Variants in LGSN observed in about 807,000 individuals in gnomAD.
The protein encoded by LGSN is lengsin, lens protein with glutamine synthetase domain.
In LGSN, 21 loss-of-function variants were observed where a neutral mutation model predicts 19.5. The observed-to-expected ratio is 1.07, with a 90% CI of 0.76 to 1.55. The LOEUF is 1.55. Among genes scored for constraint, LGSN ranks in the 40% most tolerant of loss-of-function variants. The probability of loss-of-function intolerance (pLI) is 0.00; values close to 1 mark genes in which losing one functional copy is unlikely to be tolerated. For synonymous variants in LGSN, 257 were observed against 215.6 expected (o/e 1.19, Z -1.68); for missense variants, 673 against 608.5 (o/e 1.11, Z -1.12).
At chr6:63,288,168 A>G (rs561689040) in intron 2 of LGSN, among the ~76,000 whole-genome samples, 3 of 151,994 alleles carry the variant, frequency 2.0e-5, no homozygotes, top group African/African-American at 7.2e-5. Context: ...CAGCTCCACC[A>G]AGGAGCTGAG....
At chr6:63,392,822 C>T in the LGSN span, among the ~76,000 whole-genome samples, 1 of 151,126 alleles carries the variant, frequency 6.6e-6, no homozygotes, top group East Asian at 1.9e-4. Flanking sequence ...AACCGAGCTG[C>T]AGACATTGAT....
the LGSN span, among the ~76,000 whole-genome samples, chr6:63,464,076 G>A: frequency 6.8e-6 from 1 of 146,822 alleles, no homozygotes. Context: ...TACTGAAGCT[G>A]GATTATGGAT....
At chr6:63,465,176 G>C in the LGSN span, among the ~76,000 whole-genome samples, 2 of 151,786 alleles carry the variant, frequency 1.3e-5, no homozygotes, top group Non-Finnish European at 2.9e-5. Context: ...CCTTTTCGTT[G>C]TTGTTGCTCT....
chr6:63,375,190 T>C, the LGSN span, among the ~76,000 whole-genome samples: 7 of 152,108 alleles, frequency 4.6e-5, no homozygotes, highest in Non-Finnish European at 1.0e-4. Context: ...TTCTAGAAAT[T>C]AAGGAATTCC....
chr6:63,354,974 G>A, the LGSN span, among the ~76,000 whole-genome samples: 5 of 152,138 alleles, frequency 3.3e-5, no homozygotes, highest in African/African-American at 1.2e-4. Flanking sequence ...AATTACTAAC[G>A]ACTAGGAAGG....
Position 63,281,060 on chromosome 6 carries a change from C to A in LGSN, c.491G>T (p.Arg164Ile). 1.2e-6 allele frequency: 2 copies of A among 1,613,882 alleles called. No homozygotes were observed. The highest frequency in any genetic ancestry group is 1.7e-6 in the Non-Finnish European group (2 of 1,179,944). ...GGTATCACATATCACTCTTGCAGTT[C>A]TGTCAGCCCATGGCAAAACTCTAAA... ...STFRVLPWADRTARVICDTFT... is the reference protein window; with the variant it reads ...STFRVLPWADITARVICDTFT... Residue 164 changes from arginine to isoleucine, a missense_variant, in exon 4 of 4, where the codon AGA (arginine) becomes ATA (isoleucine). Coordinates refer to ENST00000370657, the MANE Select transcript of LGSN (RefSeq NM_016571.3).
chr6:63,339,147 G>T, the LGSN span, among the ~76,000 whole-genome samples: 1 of 152,120 alleles, frequency 6.6e-6, no homozygotes, highest in Non-Finnish European at 1.5e-5. Context: ...TGTGTATTTT[G>T]TAACTGTTAG....
chr6:63,332,820 C>T, the LGSN span, among the ~76,000 whole-genome samples: 1 of 152,098 alleles, frequency 6.6e-6, no homozygotes, highest in Non-Finnish European at 1.5e-5. Flanking sequence ...CACCACATGG[C>T]GGTAGGCGAA....
the LGSN span, chr6:63,549,104 G>A: frequency 1.4e-6 from 1 of 704,356 alleles, no homozygotes; most frequent in South Asian, 1.5e-5. Context: ...CTGCTCGAAG[G>A]ACAGGTGGTC....
At chr6:63,364,204 C>T in the LGSN span, among the ~76,000 whole-genome samples, 1 of 151,804 alleles carries the variant, frequency 6.6e-6, no homozygotes, top group Non-Finnish European at 1.5e-5. Flanking sequence ...CAGAGACACA[C>T]ATACGCTCAA....
At chr6:63,551,157 C>T in the LGSN span, among the ~76,000 whole-genome samples, 21 of 152,116 alleles carry the variant, frequency 1.4e-4, no homozygotes, top group African/African-American at 5.1e-4. Context: ...CCTCTGCTTT[C>T]CAGGTTCAAG....
chr6:63,345,562 A>G, the LGSN span, among the ~76,000 whole-genome samples: 1 of 152,164 alleles, frequency 6.6e-6, no homozygotes, highest in South Asian at 2.1e-4. Flanking sequence ...TACTCCACCA[A>G]TCACAACCAT....
chr6:63,282,915 T>C (rs752457132), intron 3 of LGSN, among the ~76,000 whole-genome samples: 2 of 152,210 alleles, frequency 1.3e-5, no homozygotes, highest in Non-Finnish European at 2.9e-5. Context: ...AGTTTTTTAG[T>C]TTGAAATTCT....
At chr6:63,424,329 T>C in the LGSN span, among the ~76,000 whole-genome samples, 1 of 152,158 alleles carries the variant, frequency 6.6e-6, no homozygotes, top group Non-Finnish European at 1.5e-5. Context: ...ATTGAATTCA[T>C]AATTTTAAGA....
chr6:63,346,695 T>A, the LGSN span, among the ~76,000 whole-genome samples: 1 of 152,088 alleles, frequency 6.6e-6, no homozygotes, highest in African/African-American at 2.4e-5. Context: ...GTGGGGGCAA[T>A]CCTGTGAGAC....
At chr6:63,286,766 C>T (rs908019949) in intron 2 of LGSN, among the ~76,000 whole-genome samples, 1 of 152,216 alleles carries the variant, frequency 6.6e-6, no homozygotes, top group African/African-American at 2.4e-5. Context: ...GTCCATCTAC[C>T]TCCCTTCCAA....
chr6:63,507,597 T>C, the LGSN span, among the ~76,000 whole-genome samples: 1 of 152,184 alleles, frequency 6.6e-6, no homozygotes, highest in Non-Finnish European at 1.5e-5. Context: ...AAGCCAGTTT[T>C]CATATGAGAC....
At chr6:63,464,688 A>G in the LGSN span, among the ~76,000 whole-genome samples, 3 of 152,004 alleles carry the variant, frequency 2.0e-5, no homozygotes, top group Non-Finnish European at 4.4e-5. Flanking sequence ...ACTAAAATTT[A>G]AATTACATAA....
At chr6:63,435,069 G>T in the LGSN span, among the ~76,000 whole-genome samples, 2 of 152,174 alleles carry the variant, frequency 1.3e-5, no homozygotes, top group African/African-American at 4.8e-5. Context: ...ATTATCATGT[G>T]CCTCGAGCCA....
Sources: gnomAD v4.1 joint callset for allele counts (sites outside exome capture counted in the v4.1 genomes callset) on GRCh38, gnomAD v4.1.1 for gene constraint, MANE v1.5 for transcripts, NCBI Gene and HGNC (gene_info 2026-07-23, HGNC 2026-07-21) for gene names.